Variants in SIRT4 observed in about 807,000 individuals in gnomAD.
SIRT4 encodes the protein NAD-dependent protein lipoamidase sirtuin-4, mitochondrial.
Under a neutral mutation model 26.1 loss-of-function variants are expected in SIRT4, and 23 were observed. The observed-to-expected ratio is 0.88, with a 90% CI of 0.63 to 1.25. SIRT4 has a LOEUF of 1.25. Ranked by LOEUF, SIRT4 falls within the 50% of genes most tolerant of loss-of-function variation. SIRT4 has a pLI of 0.00. For synonymous variants in SIRT4, 155 were observed against 158.4 expected (o/e 0.98, Z 0.16); for missense variants, 361 against 405.4 (o/e 0.89, Z 0.94).
chr12:120,308,024 AT>A (rs57933904), intron 2 of SIRT4, among the ~76,000 whole-genome samples: 9,904 of 150,130 alleles, frequency 0.066, 441 homozygotes, highest in Admixed American at 0.15. Context: ...TAAAAAAAAA[AT>A]TTTTTTTTTT....
At chr12:120,298,786 A>G (rs1255972056), upstream of SIRT4, among the ~76,000 whole-genome samples, 1 of 151,348 alleles carries the variant, frequency 6.6e-6, no homozygotes, top group Non-Finnish European at 1.5e-5. Flanking sequence ...GGGCACCCGT[A>G]ATCCCAGCTA....
the SIRT4 span, among the ~76,000 whole-genome samples, chr12:120,296,130 CCAA>C: frequency 6.6e-6 from 1 of 150,768 alleles, no homozygotes; most frequent in Non-Finnish European, 1.5e-5. Flanking sequence ...AACATTTCCC[CCAA>C]CATTTTATCA....
the SIRT4 span, among the ~76,000 whole-genome samples, chr12:120,292,114 T>G: frequency 6.6e-6 from 1 of 152,158 alleles, no homozygotes; most frequent in Non-Finnish European, 1.5e-5. Context: ...CTTGGGACGC[T>G]GGGGAATCTT....
the SIRT4 span, chr12:120,293,244 T>G: frequency 2.0e-5 from 3 of 152,178 alleles, no homozygotes; most frequent in South Asian, 2.1e-4. Flanking sequence ...AGCTAATTTG[T>G]TACGCCCCCT....
intron 1 of SIRT4, 40 bp from the exon 2 acceptor site, chr12:120,303,521 A>G (rs1311937602): frequency 6.5e-7 from 1 of 1,541,906 alleles, no homozygotes; most frequent in Non-Finnish European, 8.7e-7. Context: ...AAAAAAAAAA[A>G]ACCACCCCAG....
In SIRT4 at chr12:120,311,735, C is replaced by CA. The variant is rs10612543; in HGVS notation, c.498-692dup. Among the ~76,000 whole-genome samples, 37 of 55,108 alleles carry CA rather than the reference C, an allele frequency of 6.7e-4. 2 individuals are homozygous for CA. Among genetic ancestry groups the CA allele is most frequent in the Non-Finnish European group, 1.1e-3 (37 of 33,778 alleles). The allele number at this position is 55,108 out of a possible 152,430, so 36.2% of individuals were successfully genotyped here. Reference sequence around the variant, plus strand: ...GGGCAATGAGAGTGAAACTTGCTCTCAAAAAAAAAAAAAAAAAAAAAAAAA... The same window carrying CA: ...GGGCAATGAGAGTGAAACTTGCTCTCAAAAAAAAAAAAAAAAAAAAAAAAAA... On this transcript the variant is annotated intron_variant, in intron 2 of 3. Coordinates refer to ENST00000202967, the MANE Select transcript of SIRT4 (RefSeq NM_012240.3).
At chr12:120,303,146 C>CGT (rs1872607486) in intron 1 of SIRT4, among the ~76,000 whole-genome samples, 1 of 151,842 alleles carries the variant, frequency 6.6e-6, no homozygotes, top group Non-Finnish European at 1.5e-5. Flanking sequence ...AAAAGGAATG[C>CGT]GTGTGTGTGC....
At chr12:120,305,644 ACT>A (rs1872719847) in intron 2 of SIRT4, among the ~76,000 whole-genome samples, 1 of 151,864 alleles carries the variant, frequency 6.6e-6, no homozygotes, top group Non-Finnish European at 1.5e-5. Context: ...TAACATTTTG[ACT>A]CTGCTCCTCC....
upstream of SIRT4, among the ~76,000 whole-genome samples, chr12:120,298,952 C>G (rs1007143690): frequency 3.8e-4 from 39 of 101,366 alleles, no homozygotes; most frequent in African/African-American, 1.2e-3. Flanking sequence ...AATAGCCGGG[C>G]GCGGTGGCTC....
intron 1 of SIRT4, among the ~76,000 whole-genome samples, chr12:120,303,027 ATTG>A: frequency 6.6e-6 from 1 of 151,728 alleles, no homozygotes; most frequent in African/African-American, 2.4e-5. Context: ...CCGGCCCTCT[ATTG>A]TTACAGCTAG....
upstream of SIRT4, among the ~76,000 whole-genome samples, chr12:120,300,110 C>G (rs926465849): frequency 1.3e-5 from 2 of 151,938 alleles, no homozygotes; most frequent in Non-Finnish European, 2.9e-5. Flanking sequence ...CATAGTGAGA[C>G]CGTGTCTCGA....
At chr12:120,294,792 A>G in the SIRT4 span, among the ~76,000 whole-genome samples, 1 of 147,282 alleles carries the variant, frequency 6.8e-6, no homozygotes, top group Non-Finnish European at 1.5e-5. Flanking sequence ...TGCTGGGACT[A>G]TAGGCATGAG....
At chr12:120,307,733 C>T (rs1224007572) in intron 2 of SIRT4, among the ~76,000 whole-genome samples, 1 of 151,880 alleles carries the variant, frequency 6.6e-6, no homozygotes, top group Non-Finnish European at 1.5e-5. Flanking sequence ...TGGTGCATGC[C>T]TATAATCCCA....
the SIRT4 span, chr12:120,293,193 C>T: frequency 5.3e-5 from 8 of 152,190 alleles, no homozygotes; most frequent in South Asian, 4.1e-4. Flanking sequence ...ATAATCGCGC[C>T]TCGGATAGAC....
chr12:120,292,853 G>A, the SIRT4 span, among the ~76,000 whole-genome samples: 1 of 152,094 alleles, frequency 6.6e-6, no homozygotes, highest in Non-Finnish European at 1.5e-5. Flanking sequence ...CAACTGGCAA[G>A]AAAAGTCAAC....
At position 120,310,198 on chromosome 12, in the gene SIRT4, G is replaced by A. The variant is rs181182900; in HGVS notation, c.498-2258G>A. ...TAGTCTCAGCACTTTGGGAGGCCGA[G>A]GTGGGCAGATCACAAAAATTAGCTG... is the stretch of plus-strand genomic sequence containing the variant. On this transcript the variant is annotated intron_variant, in intron 2 of 3. Coordinates refer to ENST00000202967, the MANE Select transcript of SIRT4 (RefSeq NM_012240.3). Among the ~76,000 whole-genome samples, 884 of 152,028 alleles carry A rather than the reference G, an allele frequency of 5.8e-3. 25 individuals carry two copies. The highest frequency in any genetic ancestry group is 0.052 in the Admixed American group (793 of 15,214).
Position 120,313,089 on chromosome 12 carries a change from T to G in SIRT4, c.*53T>G. 1 of 1,604,582 alleles carries G rather than the reference T, an allele frequency of 6.2e-7. No individual in the cohort carries two copies. Among genetic ancestry groups the G allele is most frequent in the Admixed American group, 1.7e-5 (1 of 59,802 alleles). On this transcript the variant is annotated 3_prime_UTR_variant, in exon 4 of 4. Coordinates refer to ENST00000202967, the MANE Select transcript of SIRT4 (RefSeq NM_012240.3). ...ACAGGGACTTTCACTTGAATCTTGC[T>G]GCTAAATGTAAATGCCTTCTCAAAT... is the stretch of plus-strand genomic sequence containing the variant.
chr12:120,298,908 A>AAATAAATAAAT (rs1566460550), upstream of SIRT4, among the ~76,000 whole-genome samples: 1 of 127,494 alleles, frequency 7.8e-6, no homozygotes, highest in Non-Finnish European at 1.6e-5. Context: ...TCCGTCTCAA[A>AAATAAATAAAT]AAATAAATAA....
At chr12:120,310,571 C>CT (rs1872920156) in intron 2 of SIRT4, among the ~76,000 whole-genome samples, 1 of 151,542 alleles carries the variant, frequency 6.6e-6, no homozygotes, top group African/African-American at 2.4e-5. Flanking sequence ...CTGACTAGAA[C>CT]TAAAAGGAGA....
Sources: allele counts gnomAD v4.1 joint callset (sites outside exome capture counted in the v4.1 genomes callset), GRCh38; gene constraint gnomAD v4.1.1; transcripts MANE v1.5; gene names NCBI Gene and HGNC (gene_info 2026-07-23, HGNC 2026-07-21).